Variants in MALRD1 observed in about 807,000 individuals in gnomAD.
The protein encoded by MALRD1 is MAM and LDL receptor class A domain containing 1, also known as MAM and LDL-receptor class A domain-containing protein 1.
A neutral mutation model predicts 242.1 loss-of-function variants in MALRD1; 247 were observed. The ratio of observed to expected loss-of-function variants is 1.02; its 90% CI spans 0.92 to 1.13. The LOEUF (loss-of-function observed/expected upper bound fraction) is 1.13, where lower values mean the gene tolerates loss of function less well. Among genes scored for constraint, MALRD1 ranks in the 50% most tolerant of loss-of-function variants. The pLI is 0.00. For missense variants in MALRD1, 2,989 were observed against 2,533.1 expected, an observed-to-expected ratio of 1.18 and a Z score of -3.86; for synonymous variants, 995 against 866.6, an observed-to-expected ratio of 1.15 and a Z score of -2.60.
chr10:19,343,591 A>C (rs1161012151), intron 24 of MALRD1, among the ~76,000 whole-genome samples: 1 of 152,128 alleles, frequency 6.6e-6, no homozygotes, highest in Non-Finnish European at 1.5e-5. Context: ...GGAACTCTAC[A>C]GGATGTGACC....
intron 33 of MALRD1, among the ~76,000 whole-genome samples, chr10:19,593,000 A>G (rs1837896393): frequency 8.7e-6 from 1 of 114,900 alleles, no homozygotes. Context: ...TATGCATAAA[A>G]TACTTAAAAA....
intron 5 of MALRD1, among the ~76,000 whole-genome samples, chr10:19,119,795 G>A (rs1343884059): frequency 1.3e-5 from 2 of 152,180 alleles, no homozygotes; most frequent in Non-Finnish European, 2.9e-5. Context: ...TTGGGAAAGG[G>A]CTGTTACCAT....
intron 19 of MALRD1, among the ~76,000 whole-genome samples, chr10:19,265,338 A>AT (rs77425898): frequency 0.099 from 14,979 of 150,824 alleles, 909 homozygotes; most frequent in African/African-American, 0.17. Context: ...TTATTTCTGA[A>AT]TTTTTTTTAT....
At chr10:19,314,181 T>G (rs960140856) in intron 21 of MALRD1, among the ~76,000 whole-genome samples, 7 of 151,604 alleles carry the variant, frequency 4.6e-5, no homozygotes, top group African/African-American at 1.7e-4. Flanking sequence ...TGCATTGGTA[T>G]GTATAACTTA....
intron 29 of MALRD1, among the ~76,000 whole-genome samples, chr10:19,473,496 C>G (rs1050212561): frequency 2.0e-5 from 3 of 150,212 alleles, no homozygotes; most frequent in Non-Finnish European, 4.4e-5. Flanking sequence ...TTCCCCAGCC[C>G]CTGATGTCTA....
chr10:19,325,096 G>A (rs1183606475), intron 22 of MALRD1, among the ~76,000 whole-genome samples: 4 of 114,790 alleles, frequency 3.5e-5, no homozygotes, highest in Non-Finnish European at 6.8e-5. Context: ...GTCCACATTT[G>A]TAGGTTTGAT....
intron 14 of MALRD1, among the ~76,000 whole-genome samples, chr10:19,175,614 T>C (rs917706950): frequency 1.3e-5 from 2 of 151,294 alleles, no homozygotes; most frequent in Non-Finnish European, 2.9e-5. Flanking sequence ...ATTATAATTA[T>C]CTTGCATATT....
intron 18 of MALRD1, among the ~76,000 whole-genome samples, chr10:19,255,912 T>G (rs920972188): frequency 2.6e-5 from 4 of 152,066 alleles, no homozygotes; most frequent in Admixed American, 6.6e-5. Flanking sequence ...AATTTTGTCT[T>G]AAATTTTCAT....
In MALRD1 at chr10:19,171,853, CAT is replaced by C. The variant is rs567760637; in HGVS notation, c.1831-3347_1831-3346del. On this transcript the variant is annotated intron_variant, in intron 13 of 39. Coordinates refer to ENST00000454679, the MANE Select transcript of MALRD1 (RefSeq NM_001142308.3). ...ACATATATACACATATATACACATACATATATATACATATATACACGTATATA... is the reference window on the plus strand; with the variant it reads ...ACATATATACACATATATACACATACATATATACATATATACACGTATATA... 6.6e-3 allele frequency among the ~76,000 whole-genome samples: 932 copies of C among 141,118 alleles called. 6 individuals are homozygous for C. The highest frequency in any genetic ancestry group is 0.014 in the South Asian group (62 of 4,534). The allele number at this position is 141,118 out of a possible 152,430, so 92.6% of individuals were successfully genotyped here.
intron 17 of MALRD1, among the ~76,000 whole-genome samples, chr10:19,207,887 C>G (rs11816914): frequency 1.3e-5 from 2 of 151,916 alleles, no homozygotes; most frequent in African/African-American, 2.4e-5. Context: ...ATGCCTGCAC[C>G]GTAACTCTTG....
chr10:19,709,403 A>C (rs980217028), intron 38 of MALRD1, among the ~76,000 whole-genome samples: 1 of 151,944 alleles, frequency 6.6e-6, no homozygotes, highest in African/African-American at 2.4e-5. Flanking sequence ...AGCCTGGGTG[A>C]TAGAGCAAGA....
chr10:19,133,821 G>A (rs969343008), intron 8 of MALRD1, 35 bp from the exon 9 acceptor site: 11 of 952,050 alleles, frequency 1.2e-5, no homozygotes, highest in Non-Finnish European at 1.5e-5. Flanking sequence ...ATTAGAATAC[G>A]GGTAATGAGT....
At position 19,151,389 on chromosome 10, in the gene MALRD1, T is replaced by C. The variant is rs184815160; in HGVS notation, c.1559-3686T>C. Among the ~76,000 whole-genome samples, 232 of 152,266 alleles carry C rather than the reference T, an allele frequency of 1.5e-3. 1 individual carries two copies. The highest frequency in any genetic ancestry group is 2.8e-4 in the Non-Finnish European group (19 of 67,998). ...TAGAAAATATTGACCTTGTATCCAG[T>C]GGCCTTGCTAATTTTATTTATCATA... On this transcript the variant is annotated intron_variant, in intron 11 of 39. Coordinates refer to ENST00000454679, the MANE Select transcript of MALRD1 (RefSeq NM_001142308.3).
At chr10:19,222,093 C>T (rs1308883007) in intron 18 of MALRD1, among the ~76,000 whole-genome samples, 1 of 151,912 alleles carries the variant, frequency 6.6e-6, no homozygotes, top group Non-Finnish European at 1.5e-5. Flanking sequence ...TCCTCCCTCC[C>T]TTGCTCCCTC....
chr10:19,315,646 A>G (rs1174775634), intron 21 of MALRD1, among the ~76,000 whole-genome samples: 1 of 125,752 alleles, frequency 8.0e-6, no homozygotes, highest in Non-Finnish European at 1.6e-5. Context: ...TTATATAAAT[A>G]TATAAATATT....
chr10:19,728,072 A>T (rs1020713933), intron 38 of MALRD1, among the ~76,000 whole-genome samples: 6 of 152,206 alleles, frequency 3.9e-5, no homozygotes, highest in African/African-American at 1.4e-4. Flanking sequence ...TAAGTCTAAT[A>T]GTCCAGGGAT....
intron 23 of MALRD1, 86 bp from the exon 24 acceptor site, chr10:19,331,283 A>G: frequency 2.8e-6 from 3 of 1,086,600 alleles, no homozygotes; most frequent in Non-Finnish European, 2.7e-6. Flanking sequence ...AAACAGATTC[A>G]CGATTGATGT....
At chr10:19,152,892 CTAAT>C (rs1374883994) in intron 11 of MALRD1, among the ~76,000 whole-genome samples, 34 of 152,160 alleles carry the variant, frequency 2.2e-4, no homozygotes, top group African/African-American at 5.3e-4. Context: ...AATATTATCT[CTAAT>C]TGATAGTTGT....
At chr10:19,498,851 T>C (rs751298479) in intron 31 of MALRD1, among the ~76,000 whole-genome samples, 9 of 152,146 alleles carry the variant, frequency 5.9e-5, no homozygotes, top group Non-Finnish European at 1.3e-4. Flanking sequence ...ACAAAGCAAC[T>C]CATGACTCAT....
Sources: allele counts gnomAD v4.1 joint callset (sites outside exome capture counted in the v4.1 genomes callset), GRCh38; gene constraint gnomAD v4.1.1; transcripts MANE v1.5; gene names NCBI Gene and HGNC (gene_info 2026-07-23, HGNC 2026-07-21).